PLCG2: variants seen among roughly 807,000 people sequenced by gnomAD.
PLCG2 encodes phospholipase C gamma 2.
PLCG2 carries 69 observed loss-of-function variants against 175.6 expected under a neutral mutation model. The ratio of observed to expected loss-of-function variants is 0.39; its 90% CI spans 0.32 to 0.48. The LOEUF (loss-of-function observed/expected upper bound fraction) is 0.48. PLCG2 is among the 20% of genes least tolerant of loss of function. The probability of loss-of-function intolerance (pLI) is 0.91; values close to 1 mark genes in which losing one functional copy is unlikely to be tolerated. For missense variants in PLCG2, 1,798 were observed against 1,650.9 expected, an observed-to-expected ratio of 1.09 and a Z score of -1.54; for synonymous variants, 827 against 624.0, an observed-to-expected ratio of 1.33 and a Z score of -4.85.
At chr16:81,769,799 G>A (rs1274556372) in intron 2 of PLCG2, among the ~76,000 whole-genome samples, 2 of 134,684 alleles carry the variant, frequency 1.5e-5, no homozygotes, top group Non-Finnish European at 1.5e-5. Context: ...CAGCCTGGGC[G>A]ACAGAGCGAG....
At chr16:81,750,941 G>T (rs1171865728) in intron 1 of PLCG2, among the ~76,000 whole-genome samples, 1 of 145,184 alleles carries the variant, frequency 6.9e-6, no homozygotes, top group Non-Finnish European at 1.5e-5. Flanking sequence ...CCAAAGTGCT[G>T]GGATTACAGG....
intron 2 of PLCG2, among the ~76,000 whole-genome samples, chr16:81,760,736 C>A (rs1171006210): frequency 1.5e-5 from 2 of 130,126 alleles, no homozygotes; most frequent in Non-Finnish European, 3.2e-5. Context: ...CATAGTGAGA[C>A]CCCGTCTCTA....
intron 2 of PLCG2, among the ~76,000 whole-genome samples, chr16:81,812,477 A>G (rs1904361944): frequency 6.6e-6 from 1 of 152,218 alleles, no homozygotes; most frequent in Non-Finnish European, 1.5e-5. Context: ...TTGGCTGCAT[A>G]AATGTCTTCT....
chr16:81,914,986 G>T (rs1157460177), intron 19 of PLCG2, among the ~76,000 whole-genome samples: 2 of 152,192 alleles, frequency 1.3e-5, no homozygotes, highest in East Asian at 1.9e-4. Flanking sequence ...CTAAGTCATT[G>T]TAACAATCAA....
Position 81,832,944 on chromosome 16 carries a change from G to C in PLCG2, c.194-21500G>C, listed in dbSNP as rs551435288. On this transcript the variant is annotated intron_variant, in intron 2 of 32. Transcript: ENST00000564138. ...GTCAGCCGATACTTGAAGGCCTCCT[G>C]TGTGCCCAGCTTGCTGCTGGGGCCA... Among the ~76,000 whole-genome samples, 4 of 152,356 alleles carry C rather than the reference G, an allele frequency of 2.6e-5. No homozygotes were observed. In the South Asian group the frequency reaches 8.3e-4, roughly 32 times the overall value.
intron 9 of PLCG2, among the ~76,000 whole-genome samples, chr16:81,883,984 C>G (rs1374630485): frequency 6.6e-6 from 1 of 152,222 alleles, no homozygotes; most frequent in African/African-American, 2.4e-5. Flanking sequence ...CTGCCGGCAT[C>G]TAGCAGGTCA....
At position 81,934,436 on chromosome 16, in the gene PLCG2, A is replaced by G. The variant is rs1910626779; in HGVS notation, c.2747A>G (p.Asn916Ser). Residue 916 changes from asparagine to serine, a missense_variant, in exon 26 of 33, where the codon AAC (asparagine) becomes AGC (serine). Asn to Ser is a conservative substitution (Grantham distance 46). Coordinates refer to ENST00000564138, the MANE Select transcript of PLCG2 (RefSeq NM_002661.5). ...ACAGTGAACTCCAAACAGGAGAACA[A>G]CATGAAGTACTGGGAGAAGAACCAG... ...ITWKIDTKEN[N>S]MKYWEKNQSI... The G allele has an allele frequency of 6.2e-7, 1 of 1,609,814 alleles. No homozygotes were observed. Among genetic ancestry groups the G allele is most frequent in the East Asian group, 2.2e-5 (1 of 44,862 alleles).
intron 2 of PLCG2, among the ~76,000 whole-genome samples, chr16:81,791,382 G>A (rs1238998103): frequency 6.6e-6 from 1 of 152,088 alleles, no homozygotes; most frequent in East Asian, 1.9e-4. Flanking sequence ...TGGGTGTCAT[G>A]TAATATAAAC....
At chr16:81,888,210 G>C (rs1052731130) in intron 9 of PLCG2, among the ~76,000 whole-genome samples, 1 of 152,160 alleles carries the variant, frequency 6.6e-6, no homozygotes. Flanking sequence ...GCCACGGTCA[G>C]AGTACTTTCT....
rs535669088 is a variant in PLCG2, at chr16:81,810,527, C to T, written c.193+24345C>T. Among the ~76,000 whole-genome samples the T allele has an allele frequency of 4.6e-5, 7 of 152,312 alleles. No homozygotes were observed. In the East Asian group the frequency reaches 1.2e-3, roughly 25 times the overall value. Reference sequence around the variant, plus strand: ...GTGAAAAATTTGGGTCACCCATTCACACATGCCCTGCTGAGGTCAAACAAG... The same window carrying T: ...GTGAAAAATTTGGGTCACCCATTCATACATGCCCTGCTGAGGTCAAACAAG... On this transcript the variant is annotated intron_variant, in intron 2 of 32. Coordinates refer to ENST00000564138, the MANE Select transcript of PLCG2 (RefSeq NM_002661.5).
chr16:81,883,645 G>A (rs998989105), intron 9 of PLCG2: 2 of 427,554 alleles, frequency 4.7e-6, no homozygotes, highest in African/African-American at 2.0e-5. Context: ...GCCTGAGGAT[G>A]GGGCTGCCCT....
At chr16:81,882,070 A>G (rs886091798) in intron 8 of PLCG2, among the ~76,000 whole-genome samples, 1 of 152,210 alleles carries the variant, frequency 6.6e-6, no homozygotes, top group Non-Finnish European at 1.5e-5. Flanking sequence ...AGTGTTTAGT[A>G]AAGGGAGAAA....
intron 25 of PLCG2, among the ~76,000 whole-genome samples, chr16:81,934,223 G>A (rs371592140): frequency 6.6e-6 from 1 of 152,116 alleles, no homozygotes; most frequent in Non-Finnish European, 1.5e-5. Context: ...CCAAAACCTC[G>A]TGGAAACAGC....
chr16:81,760,755 A>AT lies in PLCG2; in HGVS notation c.-48+4789_-48+4790insT, dbSNP rs1555562056. Among the ~76,000 whole-genome samples the AT allele has an allele frequency of 5.7e-3, 471 of 82,698 alleles. 1 individual carries two copies. Among genetic ancestry groups the AT allele is most frequent in the African/African-American group, 0.016 (430 of 27,688 alleles). 54.3% of individuals were successfully genotyped at this position (82,698 alleles called of 152,430 possible). ...GTGAGACCCCGTCTCTATTAAAAAA[A>AT]AAAATAATAATAATAATAATAATAA... On this transcript the variant is annotated intron_variant, in intron 2 of 5. Coordinates refer to the PLCG2 transcript ENST00000565054.
At position 81,962,389 on chromosome 16, in the gene PLCG2, C is replaced by G. The variant is rs575523440; in HGVS notation, c.*4391C>G. ...ATTAGAAAATTGGCATTTAAAAATACTCAATAATTTGTCCCTGGTTTTTAA... is the reference window on the plus strand; with the variant it reads ...ATTAGAAAATTGGCATTTAAAAATAGTCAATAATTTGTCCCTGGTTTTTAA... On this transcript the variant is annotated 3_prime_UTR_variant, in exon 33 of 33. Transcript: ENST00000564138. 4.7e-6 allele frequency: 1 copy of G among 211,164 alleles called. No individual in the cohort carries two copies. The highest frequency in any genetic ancestry group is 7.3e-5 in the East Asian group (1 of 13,718). 13.1% of individuals were successfully genotyped at this position (211,164 alleles called of 1,614,324 possible). A position where few individuals can be genotyped will look rare whatever the true frequency, so the allele number is the denominator to read the frequency against.
At chr16:81,749,543 G>A (rs749384467) in intron 1 of PLCG2, among the ~76,000 whole-genome samples, 6 of 152,048 alleles carry the variant, frequency 3.9e-5, no homozygotes, top group Non-Finnish European at 7.4e-5. Flanking sequence ...TAGTAGAGAC[G>A]AGGTTTTACC....
At chr16:81,945,889 G>T (rs946362550) in intron 30 of PLCG2, among the ~76,000 whole-genome samples, 6 of 152,188 alleles carry the variant, frequency 3.9e-5, no homozygotes, top group African/African-American at 1.4e-4. Flanking sequence ...ACTCAATGTG[G>T]AATGTTCTGT....
At chr16:81,878,735 C>T (rs567747062) in intron 7 of PLCG2, among the ~76,000 whole-genome samples, 1 of 152,306 alleles carries the variant, frequency 6.6e-6, no homozygotes, top group Admixed American at 6.5e-5. Context: ...CTCAGCAGCA[C>T]GTGTCAAAGC....
chr16:81,859,649 C>G (rs936516305), intron 5 of PLCG2, among the ~76,000 whole-genome samples: 6 of 152,168 alleles, frequency 3.9e-5, no homozygotes. Context: ...ATTCTCCTGC[C>G]TCAGCCTCCC....
Sources: gnomAD v4.1 joint callset for allele counts (sites outside exome capture counted in the v4.1 genomes callset) on GRCh38, gnomAD v4.1.1 for gene constraint, MANE v1.5 for transcripts, NCBI Gene and HGNC (gene_info 2026-07-23, HGNC 2026-07-21) for gene names.